NHSL1: variants seen among roughly 807,000 people sequenced by gnomAD.
The protein encoded by NHSL1 is NHS like 1.
In NHSL1, 48 loss-of-function variants were observed where a neutral mutation model predicts 95.0. The ratio of observed to expected loss-of-function variants is 0.51; its 90% CI spans 0.40 to 0.64. The LOEUF (loss-of-function observed/expected upper bound fraction) is 0.64. NHSL1 is among the 30% of genes least tolerant of loss of function. The pLI, the probability that NHSL1 is intolerant of heterozygous loss-of-function variation, is 0.00. For missense variants in NHSL1, 1,971 were observed against 2,077.7 expected (o/e 0.95, Z 1.00); for synonymous variants, 783 against 833.9 (o/e 0.94, Z 1.05).
Position 138,692,435 on chromosome 6 carries a change from TC to T in NHSL1, c.96+40del. On this transcript the variant is annotated intron_variant, in intron 1 of 3. Coordinates refer to the NHSL1 transcript ENST00000491526. This position sits in a 1 kb window ranked among gnomAD's most constrained non-coding sequence, Gnocchi z 4.0. ...GGGCGGGAGCAGCTCTCCGGGTGCC[TC>T]CCCCGCCGGTTCCCCTCCCCCGGCC... 1 of 206,972 alleles carries T rather than the reference TC, an allele frequency of 4.8e-6. No homozygotes were observed. Among genetic ancestry groups the T allele is most frequent in the Non-Finnish European group, 9.6e-6 (1 of 103,842 alleles). 12.8% of individuals were successfully genotyped at this position (206,972 alleles called of 1,614,324 possible).
At chr6:138,488,867 A>T (rs764660960) in intron 2 of NHSL1, among the ~76,000 whole-genome samples, 5 of 152,206 alleles carry the variant, frequency 3.3e-5, no homozygotes, top group Non-Finnish European at 5.9e-5. Context: ...ATGCGTGAGC[A>T]CCAGGAACCC....
intron 3 of NHSL1, chr6:138,464,351 TTGCAGGTGGTCGCCATCGC>T: frequency 1.9e-6 from 1 of 515,872 alleles, no homozygotes. Context: ...GGAGGCCATC[TTGCAGGTGGTCGCCATCGC>T]TGCCTTCGCC....
rs1466813555 is a variant in NHSL1, at chr6:138,482,257, T to C, written c.212-8824A>G. On this transcript the variant is annotated intron_variant, in intron 2 of 7. Transcript: ENST00000343505. ...GGTCAGGAGTTCAAGACCAGCCTGT[T>C]CAACATGGTGACACTCCATCTCTAT... Among the ~76,000 whole-genome samples, 7 of 152,198 alleles carry C rather than the reference T, an allele frequency of 4.6e-5. No homozygotes were observed. The East Asian group carries it at 1.4e-3, about 29-fold the overall frequency.
intron 1 of NHSL1, among the ~76,000 whole-genome samples, chr6:138,527,672 T>C (rs780040562): frequency 2.6e-5 from 4 of 152,190 alleles, no homozygotes; most frequent in Non-Finnish European, 4.4e-5. Context: ...AAGATCCTCT[T>C]TGAGGCTCCA....
At chr6:138,691,107 C>A (rs548160742) in intron 1 of NHSL1, among the ~76,000 whole-genome samples, 1 of 152,338 alleles carries the variant, frequency 6.6e-6, no homozygotes, top group African/African-American at 2.4e-5. Flanking sequence ...GCCGCATAGA[C>A]CATGACATCC....
At chr6:138,562,949 G>A (rs1783468876) in intron 1 of NHSL1, among the ~76,000 whole-genome samples, 1 of 152,184 alleles carries the variant, frequency 6.6e-6, no homozygotes, top group South Asian at 2.1e-4. Context: ...TTCAAGTCTA[G>A]GAGAAGTATG....
intron 1 of NHSL1, among the ~76,000 whole-genome samples, chr6:138,539,245 C>G (rs913957923): frequency 2.0e-5 from 3 of 152,162 alleles, no homozygotes; most frequent in Non-Finnish European, 4.4e-5. Context: ...TCTTCCACCC[C>G]GCATCCCCAA....
intron 1 of NHSL1, among the ~76,000 whole-genome samples, chr6:138,563,996 T>G (rs574144019): frequency 5.3e-5 from 8 of 152,326 alleles, no homozygotes; most frequent in Admixed American, 4.6e-4. Context: ...TTATCAGGCT[T>G]GGCATCGTTA....
chr6:138,670,841 T>TAAA (rs1785358653), intron 1 of NHSL1, among the ~76,000 whole-genome samples: 3 of 151,860 alleles, frequency 2.0e-5, no homozygotes, highest in Admixed American at 2.0e-4. Context: ...GTAGAAGGAC[T>TAAA]GAAAAAGAAA....
At position 138,514,928 on chromosome 6, in the gene NHSL1, G is replaced by A. The variant is rs117250003; in HGVS notation, c.17-18557C>T. ...ACAACACAAGACCCTGTCTCACACA[G>A]CAACAACAACAAAAATCTTATTGTA... On this transcript the variant is annotated intron_variant, in intron 1 of 4. Coordinates refer to the NHSL1 transcript ENST00000342260. 6.2e-3 allele frequency among the ~76,000 whole-genome samples: 939 copies of A among 151,962 alleles called. 23 individuals carry two copies. The highest frequency in any genetic ancestry group is 0.048 in the Admixed American group (729 of 15,254).
chr6:138,608,349 CTG>C (rs774138825), intron 1 of NHSL1, among the ~76,000 whole-genome samples: 10 of 151,132 alleles, frequency 6.6e-5, no homozygotes, highest in Non-Finnish European at 1.0e-4. Context: ...AACACAAAAG[CTG>C]TAATTCATAC....
At chr6:138,528,032 GCCATATTCCAAT>G (rs1747134954) in intron 1 of NHSL1, among the ~76,000 whole-genome samples, 1 of 152,126 alleles carries the variant, frequency 6.6e-6, no homozygotes, top group Non-Finnish European at 1.5e-5. Context: ...AGCTAAGCGG[GCCATATTCCAAT>G]CCATATTTTG....
At chr6:138,620,856 C>G (rs950846361) in intron 1 of NHSL1, among the ~76,000 whole-genome samples, 3 of 152,198 alleles carry the variant, frequency 2.0e-5, no homozygotes, top group African/African-American at 7.2e-5. Flanking sequence ...ATCCTCTGAG[C>G]CAGTCTTCGG....
intron 2 of NHSL1, among the ~76,000 whole-genome samples, chr6:138,475,473 C>T (rs1779012581): frequency 6.6e-6 from 1 of 152,132 alleles, no homozygotes; most frequent in South Asian, 2.1e-4. Context: ...AGCGATCCTT[C>T]CACCTTGGCC....
intron 3 of NHSL1, among the ~76,000 whole-genome samples, chr6:138,472,140 T>C (rs1583248712): frequency 7.3e-6 from 1 of 137,528 alleles, no homozygotes. Flanking sequence ...CAAGATTGCA[T>C]CACTGCACTC....
At chr6:138,643,819 T>C (rs972042521) in intron 1 of NHSL1, among the ~76,000 whole-genome samples, 50 of 151,848 alleles carry the variant, frequency 3.3e-4, no homozygotes, top group African/African-American at 1.1e-3. Context: ...GCCAACATGG[T>C]GAAACCCATC....
chr6:138,619,825 G>A (rs1218544301), intron 1 of NHSL1, among the ~76,000 whole-genome samples: 1 of 151,930 alleles, frequency 6.6e-6, no homozygotes, highest in African/African-American at 2.4e-5. Flanking sequence ...GCATATGCCT[G>A]TAGTCCCAGC....
intron 1 of NHSL1, among the ~76,000 whole-genome samples, chr6:138,585,223 C>T (rs1188020998): frequency 6.6e-6 from 1 of 152,078 alleles, no homozygotes; most frequent in Non-Finnish European, 1.5e-5. Flanking sequence ...GTACAGGGAG[C>T]GAGAGGTGAG....
At chr6:138,444,264 T>C (rs1482316062) in intron 4 of NHSL1, among the ~76,000 whole-genome samples, 1 of 151,774 alleles carries the variant, frequency 6.6e-6, no homozygotes, top group African/African-American at 2.4e-5. Flanking sequence ...AATTAAACTC[T>C]TTTAAATTAA....
Sources: allele counts gnomAD v4.1 joint callset (sites outside exome capture counted in the v4.1 genomes callset), GRCh38; gene constraint gnomAD v4.1.1; non-coding constraint Gnocchi (gnomAD v3.1); transcripts MANE v1.5; gene names NCBI Gene and HGNC (gene_info 2026-07-23, HGNC 2026-07-21).